Variants in TTC29 observed in about 807,000 individuals in gnomAD.
TTC29 encodes the protein tetratricopeptide repeat protein 29.
Under a neutral mutation model 58.1 loss-of-function variants are expected in TTC29, and 49 were observed. That is an observed-to-expected ratio of 0.84 (90% CI 0.67 to 1.07). The LOEUF (loss-of-function observed/expected upper bound fraction) is 1.07, where lower values mean the gene tolerates loss of function less well. Ranked by LOEUF, TTC29 falls within the 50% of genes least tolerant of loss-of-function variation. The probability of loss-of-function intolerance (pLI) is 0.00; values close to 1 mark genes in which losing one functional copy is unlikely to be tolerated. For synonymous variants in TTC29, 209 were observed against 196.8 expected (o/e 1.06, Z -0.52); for missense variants, 582 against 555.6 (o/e 1.05, Z -0.48).
intron 10 of TTC29, among the ~76,000 whole-genome samples, chr4:146,814,963 G>T (rs888722783): frequency 5.9e-5 from 9 of 152,146 alleles, no homozygotes; most frequent in Non-Finnish European, 1.2e-4. Flanking sequence ...CGCTATGGTG[G>T]AGTGGATAAA....
intron 6 of TTC29, among the ~76,000 whole-genome samples, chr4:146,901,039 G>GT (rs1733111908): frequency 7.3e-6 from 1 of 136,902 alleles, no homozygotes; most frequent in Non-Finnish European, 1.7e-5. Context: ...ACTTCTTTTG[G>GT]TGGGGGGGTC....
chr4:146,854,314 A>G (rs1729699951), intron 8 of TTC29, among the ~76,000 whole-genome samples: 1 of 152,156 alleles, frequency 6.6e-6, no homozygotes. Context: ...ATGCTTTTGT[A>G]AAAACTCAGA....
chr4:146,864,251 G>C lies in TTC29; in HGVS notation c.885+3247C>G, dbSNP rs1002978011. Among the ~76,000 whole-genome samples, 4 of 151,932 alleles carry C rather than the reference G, an allele frequency of 2.6e-5. No homozygotes were observed. In the East Asian group the frequency reaches 5.8e-4, roughly 22 times the overall value. ...CGAAAACAACACCAGCATCCACCCAGTTCCACAGCCAGGAACTCAGGGCCC... is the reference window on the plus strand; with the variant it reads ...CGAAAACAACACCAGCATCCACCCACTTCCACAGCCAGGAACTCAGGGCCC... On this transcript the variant is annotated intron_variant, in intron 8 of 12. Transcript: ENST00000325106.
intron 11 of TTC29, among the ~76,000 whole-genome samples, chr4:146,799,940 T>C (rs1750097158): frequency 6.6e-6 from 1 of 152,166 alleles, no homozygotes; most frequent in Non-Finnish European, 1.5e-5. Flanking sequence ...GTAGAGATAA[T>C]AGCTCTAGTA....
intron 10 of TTC29, among the ~76,000 whole-genome samples, chr4:146,815,509 C>T (rs1455502487): frequency 6.6e-6 from 1 of 151,888 alleles, no homozygotes; most frequent in East Asian, 1.9e-4. Flanking sequence ...GTTTGGAGTC[C>T]CAGGAGAAAT....
intron 11 of TTC29, among the ~76,000 whole-genome samples, chr4:146,724,591 G>A (rs1364032392): frequency 1.3e-5 from 2 of 151,780 alleles, no homozygotes; most frequent in East Asian, 3.9e-4. Flanking sequence ...TTGGCTCACT[G>A]CAACCTCTGC....
chr4:146,782,103 C>A (rs1748656614), intron 11 of TTC29, among the ~76,000 whole-genome samples: 1 of 151,642 alleles, frequency 6.6e-6, no homozygotes, highest in Non-Finnish European at 1.5e-5. Context: ...GTGCAACAAC[C>A]TATTACAAAT....
At chr4:146,710,434 A>G (rs1579496580) in intron 11 of TTC29, among the ~76,000 whole-genome samples, 1 of 152,150 alleles carries the variant, frequency 6.6e-6, no homozygotes, top group East Asian at 1.9e-4. Context: ...TAGTATCACC[A>G]TTGTGTATGG....
At chr4:146,720,535 T>C (rs1743279505) in intron 11 of TTC29, among the ~76,000 whole-genome samples, 1 of 152,088 alleles carries the variant, frequency 6.6e-6, no homozygotes, top group Admixed American at 6.6e-5. Flanking sequence ...AAAAAATAGA[T>C]AAAACAACAC....
At chr4:146,944,823 AAC>A (rs1481035130) in intron 2 of TTC29, among the ~76,000 whole-genome samples, 1 of 152,212 alleles carries the variant, frequency 6.6e-6, no homozygotes, top group East Asian at 1.9e-4. Flanking sequence ...TAAAAAAAAA[AAC>A]ATAATTAAGT....
Position 146,867,581 on chromosome 4 carries a change from T to C in TTC29, c.802A>G (p.Ser268Gly). 1.3e-6 allele frequency: 2 copies of C among 1,489,478 alleles called. No individual in the cohort carries two copies. Among genetic ancestry groups the C allele is most frequent in the Non-Finnish European group, 1.8e-6 (2 of 1,107,006 alleles). 92.3% of individuals were successfully genotyped at this position (1,489,478 alleles called of 1,614,324 possible). ...GCTTCCGCTTCCATCTTTTTGTCAC[T>C]TCCTGAAGTGAAGATGTAAAAAAAT... Reference protein sequence around the residue: ...IKASEIAKEGSDKKMEAEASY... With the variant: ...IKASEIAKEGGDKKMEAEASY... Residue 268 changes from serine (S) to glycine (G), a missense_variant and splice_region_variant, in exon 8 of 13, where the codon AGT becomes GGT. Physicochemically the swap from Ser to Gly is moderately conservative, Grantham distance 56. Coordinates refer to ENST00000325106, the MANE Select transcript of TTC29 (RefSeq NM_031956.4).
At chr4:146,818,633 T>A (rs890085935) in intron 10 of TTC29, among the ~76,000 whole-genome samples, 10 of 152,100 alleles carry the variant, frequency 6.6e-5, no homozygotes, top group African/African-American at 1.9e-4. Context: ...ACACATGCAC[T>A]CGTATGTTTA....
chr4:146,844,353 G>C (rs1043034160), intron 8 of TTC29, among the ~76,000 whole-genome samples: 3 of 152,012 alleles, frequency 2.0e-5, no homozygotes, highest in Admixed American at 2.0e-4. Flanking sequence ...TCCTAAATTG[G>C]TCATTATAGT....
At chr4:146,921,505 A>G (rs1734579036) in intron 4 of TTC29, among the ~76,000 whole-genome samples, 1 of 151,174 alleles carries the variant, frequency 6.6e-6, no homozygotes, top group Non-Finnish European at 1.5e-5. Context: ...AATACCAACA[A>G]AAAGAAAGCT....
In TTC29 at chr4:146,932,258, G is replaced by A. The variant is rs183373876; in HGVS notation, c.176+5336C>T. On this transcript the variant is annotated intron_variant, in intron 4 of 12. Transcript: ENST00000325106. ...ATCTTCTTTTCCTAGCAGGAAACAG[G>A]GGTTCTTCCTTCTCCTGCCCACCTA... Among the ~76,000 whole-genome samples the A allele has an allele frequency of 1.4e-4, 21 of 152,168 alleles. No homozygotes were observed. In the East Asian group the frequency reaches 3.9e-3, roughly 28 times the overall value.
chr4:146,875,353 T>G (rs1731188031), intron 6 of TTC29, among the ~76,000 whole-genome samples: 1 of 152,160 alleles, frequency 6.6e-6, no homozygotes, highest in East Asian at 1.9e-4. Flanking sequence ...TATTACAGAA[T>G]AGAAAGCCAA....
chr4:146,874,254 G>A (rs946648290), intron 7 of TTC29, among the ~76,000 whole-genome samples: 4 of 151,956 alleles, frequency 2.6e-5, no homozygotes, highest in African/African-American at 9.7e-5. Flanking sequence ...ATTTTGAGAG[G>A]CAAAAAGGTC....
chr4:146,926,917 T>A (rs1028262874), intron 4 of TTC29, among the ~76,000 whole-genome samples: 9 of 151,954 alleles, frequency 5.9e-5, no homozygotes, highest in Non-Finnish European at 1.3e-4. Context: ...TCATTCCTTA[T>A]GACAACCCAC....
Position 146,927,109 on chromosome 4 carries a change from C to T in TTC29, c.176+10485G>A, listed in dbSNP as rs138920593. On this transcript the variant is annotated intron_variant, in intron 4 of 12. Coordinates refer to ENST00000325106, the MANE Select transcript of TTC29 (RefSeq NM_031956.4). ...AAAAAAAAAAAGAAAAAAAAAGACA[C>T]TTACATTGCAGTTCAGCACATGTAT... is the stretch of plus-strand genomic sequence containing the variant. Among the ~76,000 whole-genome samples the T allele has an allele frequency of 4.5e-3, 666 of 149,230 alleles. 5 individuals carry two copies. The highest frequency in any genetic ancestry group is 0.015 in the African/African-American group (627 of 40,796).
Sources: gnomAD v4.1 joint callset for allele counts (sites outside exome capture counted in the v4.1 genomes callset) on GRCh38, gnomAD v4.1.1 for gene constraint, MANE v1.5 for transcripts, NCBI Gene and HGNC (gene_info 2026-07-23, HGNC 2026-07-21) for gene names.